The following EIF2B3 variants were observed in gnomAD, a reference collection of about 807,000 sequenced individuals.
The protein encoded by EIF2B3 is eukaryotic translation initiation factor 2B subunit gamma.
In EIF2B3, 20 loss-of-function variants were observed where a neutral mutation model predicts 54.1. The observed-to-expected ratio is 0.37, with a 90% CI of 0.26 to 0.54. EIF2B3 has a LOEUF of 0.54. Among genes scored for constraint, EIF2B3 ranks in the 20% least tolerant of loss-of-function variants. The probability of loss-of-function intolerance (pLI) is 0.86; values close to 1 mark genes in which losing one functional copy is unlikely to be tolerated. For synonymous variants in EIF2B3, 153 were observed against 188.1 expected (o/e 0.81, Z 1.52); for missense variants, 448 against 547.8 (o/e 0.82, Z 1.82).
intron 8 of EIF2B3, among the ~76,000 whole-genome samples, chr1:44,877,203 A>AAAAAC (rs1271026126): frequency 1.4e-5 from 2 of 145,284 alleles, no homozygotes; most frequent in Non-Finnish European, 3.0e-5. Context: ...AAAAAAAAAA[A>AAAAAC]AAAAAAAAAA....
Position 44,881,788 on chromosome 1 carries a change from T to TA in EIF2B3, c.657-50dup, listed in dbSNP as rs538439403. ...ATGAGAAACCTGACTGTCTGGAACATACCCGGATCAAAAGCTCTGTGCATA... is the reference window on the plus strand; with the variant it reads ...ATGAGAAACCTGACTGTCTGGAACATAACCCGGATCAAAAGCTCTGTGCATA... On this transcript the variant is annotated intron_variant, in intron 6 of 11. Transcript: ENST00000360403. This position sits in a 1 kb window ranked among gnomAD's most constrained non-coding sequence, Gnocchi z 4.0. 3,052 of 1,608,192 alleles carry TA rather than the reference T, an allele frequency of 1.9e-3. 3 individuals carry two copies. The highest frequency in any genetic ancestry group is 2.4e-3 in the Non-Finnish European group (2,774 of 1,176,574).
chr1:44,857,193 A>C (rs554077757), intron 11 of EIF2B3, among the ~76,000 whole-genome samples: 22 of 152,346 alleles, frequency 1.4e-4, no homozygotes, highest in African/African-American at 4.6e-4. Flanking sequence ...CTTATCTATA[A>C]GATTAATTTC....
Position 44,961,470 on chromosome 1 carries a change from A to G in EIF2B3, c.294+16845T>C, listed in dbSNP as rs553003139. 2.2e-4 allele frequency among the ~76,000 whole-genome samples: 34 copies of G among 152,158 alleles called. No homozygotes were observed. The South Asian group carries it at 6.6e-3, about 30-fold the overall frequency. ...AGGCAGGAGGACTGCTTGAGCCCAG[A>G]AATTTGAGACCAGCCTGGGTAACAT... On this transcript the variant is annotated intron_variant, in intron 3 of 11. Coordinates refer to ENST00000360403, the MANE Select transcript of EIF2B3 (RefSeq NM_020365.5).
chr1:44,952,552 T>C (rs1644177228), intron 3 of EIF2B3, among the ~76,000 whole-genome samples: 1 of 138,458 alleles, frequency 7.2e-6, no homozygotes, highest in Non-Finnish European at 1.5e-5. Context: ...ATGTCTTTTC[T>C]CCAATTTTTT....
chr1:44,868,652 G>A (rs1000363863), intron 10 of EIF2B3, among the ~76,000 whole-genome samples: 4 of 152,022 alleles, frequency 2.6e-5, no homozygotes, highest in Non-Finnish European at 5.9e-5. Context: ...CCCACAGAAG[G>A]GCAGGGAAAG....
intron 11 of EIF2B3, among the ~76,000 whole-genome samples, chr1:44,855,777 G>A (rs367814050): frequency 9.2e-5 from 14 of 152,048 alleles, no homozygotes; most frequent in African/African-American, 3.1e-4. Context: ...GGCTGGTTTC[G>A]AACTCCTGAC....
At chr1:44,854,001 T>G (rs542534113) in intron 11 of EIF2B3, among the ~76,000 whole-genome samples, 13 of 151,146 alleles carry the variant, frequency 8.6e-5, no homozygotes, top group African/African-American at 3.2e-4. Flanking sequence ...AGTGTTTTTT[T>G]TTTTTGTTTT....
At chr1:44,982,378 A>C (rs1398170224) in intron 1 of EIF2B3, among the ~76,000 whole-genome samples, 1 of 152,144 alleles carries the variant, frequency 6.6e-6, no homozygotes, top group Non-Finnish European at 1.5e-5. Context: ...GGCTCACTGC[A>C]ACCTCCACCT....
At chr1:44,953,106 CA>C (rs1290303022) in intron 3 of EIF2B3, among the ~76,000 whole-genome samples, 5 of 133,098 alleles carry the variant, frequency 3.8e-5, no homozygotes, top group Admixed American at 7.7e-5. Flanking sequence ...ATAGAACATA[CA>C]AAAATACCTA....
At chr1:44,872,530 G>C (rs1654998588) in intron 10 of EIF2B3, among the ~76,000 whole-genome samples, 1 of 152,012 alleles carries the variant, frequency 6.6e-6, no homozygotes, top group African/African-American at 2.4e-5. Flanking sequence ...TGCGCCTGTA[G>C]TCCTAGCTAC....
At chr1:44,964,288 A>G (rs1226231486) in intron 3 of EIF2B3, among the ~76,000 whole-genome samples, 1 of 152,214 alleles carries the variant, frequency 6.6e-6, no homozygotes, top group Non-Finnish European at 1.5e-5. Flanking sequence ...AGCAGTCTTA[A>G]GGAACGTTGC....
At chr1:44,921,678 G>T (rs1178083227) in intron 5 of EIF2B3, among the ~76,000 whole-genome samples, 1 of 152,040 alleles carries the variant, frequency 6.6e-6, no homozygotes, top group Non-Finnish European at 1.5e-5. Context: ...TGGCACCTTT[G>T]TCAAAAATGA....
chr1:44,986,009 G>T (rs916117674), intron 1 of EIF2B3, among the ~76,000 whole-genome samples: 2 of 151,870 alleles, frequency 1.3e-5, no homozygotes, highest in African/African-American at 4.8e-5. Context: ...CTGAACAAAT[G>T]AATGAAGGGC....
intron 3 of EIF2B3, among the ~76,000 whole-genome samples, chr1:44,945,802 T>C (rs1038505576): frequency 9.9e-5 from 15 of 152,246 alleles, no homozygotes; most frequent in African/African-American, 3.4e-4. Flanking sequence ...AGAATGAAAA[T>C]GACAATTTGC....
intron 2 of EIF2B3, among the ~76,000 whole-genome samples, chr1:44,979,823 G>C (rs1035630614): frequency 6.6e-6 from 1 of 151,996 alleles, no homozygotes; most frequent in African/African-American, 2.4e-5. Context: ...AAAATTAGCC[G>C]GGAGTGGTGG....
chr1:44,911,647 C>T (rs767899580), intron 5 of EIF2B3, among the ~76,000 whole-genome samples: 48 of 152,312 alleles, frequency 3.2e-4, no homozygotes, highest in Non-Finnish European at 6.0e-4. Flanking sequence ...CTCCACCCAC[C>T]CTTTAGTTGT....
intron 1 of EIF2B3, among the ~76,000 whole-genome samples, chr1:44,983,472 T>G (rs544080239): frequency 6.6e-6 from 1 of 152,342 alleles, no homozygotes; most frequent in East Asian, 1.9e-4. Context: ...TATGGTCATG[T>G]AGATTCTAGC....
intron 5 of EIF2B3, among the ~76,000 whole-genome samples, chr1:44,921,197 G>A (rs886319300): frequency 3.3e-5 from 5 of 152,146 alleles, no homozygotes; most frequent in Non-Finnish European, 5.9e-5. Flanking sequence ...CTTCTTTTGA[G>A]AAATGTCTAT....
chr1:44,941,730 G>C, intron 3 of EIF2B3, 65 bp from the exon 4 acceptor site: 1 of 1,586,094 alleles, frequency 6.3e-7, no homozygotes, highest in Non-Finnish European at 8.7e-7. Flanking sequence ...ATCATCACAA[G>C]ACAAAATTAG....
Sources: gnomAD v4.1 joint callset for allele counts (sites outside exome capture counted in the v4.1 genomes callset) on GRCh38, gnomAD v4.1.1 for gene constraint, Gnocchi (gnomAD v3.1) non-coding constraint, MANE v1.5 for transcripts, NCBI Gene and HGNC (gene_info 2026-07-23, HGNC 2026-07-21) for gene names.